The following SNTG1 variants were observed in gnomAD, a reference collection of about 807,000 sequenced individuals.
SNTG1 encodes the protein syntrophin gamma 1, also known as gamma-1-syntrophin.
SNTG1 carries 39 observed loss-of-function variants against 74.7 expected under a neutral mutation model. The ratio of observed to expected loss-of-function variants is 0.52; its 90% CI spans 0.40 to 0.68. SNTG1 has a LOEUF of 0.68. Ranked by LOEUF, SNTG1 falls within the 30% of genes least tolerant of loss-of-function variation. The pLI is 0.00. For synonymous variants in SNTG1, 254 were observed against 217.1 expected, an observed-to-expected ratio of 1.17 and a Z score of -1.49; for missense variants, 685 against 609.5, an observed-to-expected ratio of 1.12 and a Z score of -1.30.
intron 4 of SNTG1, among the ~76,000 whole-genome samples, chr8:50,430,969 T>G (rs1251765803): frequency 6.6e-6 from 1 of 152,148 alleles, no homozygotes; most frequent in Admixed American, 6.5e-5. Context: ...CATGTGCAGT[T>G]CCTTTAGCCT....
chr8:50,060,824 T>C (rs1402203027), intron 1 of SNTG1, among the ~76,000 whole-genome samples: 1 of 152,140 alleles, frequency 6.6e-6, no homozygotes, highest in Non-Finnish European at 1.5e-5. Context: ...TCTGATCATA[T>C]TTTTCTTCTG....
intron 2 of SNTG1, among the ~76,000 whole-genome samples, chr8:50,262,763 A>C (rs111814672): frequency 3.9e-5 from 6 of 152,256 alleles, no homozygotes; most frequent in African/African-American, 1.2e-4. Flanking sequence ...GCTATCTAAA[A>C]AGAAAGAAAC....
At chr8:50,611,483 A>G (rs931572691) in intron 13 of SNTG1, among the ~76,000 whole-genome samples, 3 of 152,198 alleles carry the variant, frequency 2.0e-5, no homozygotes, top group African/African-American at 4.8e-5. Context: ...TCACTGCTGG[A>G]TTATAATCGA....
intron 1 of SNTG1, among the ~76,000 whole-genome samples, chr8:50,138,101 T>C (rs1333650656): frequency 6.6e-6 from 1 of 152,244 alleles, no homozygotes; most frequent in East Asian, 1.9e-4. Context: ...TTTTTACAGA[T>C]GCTGGTAATT....
chr8:50,558,637 T>G (rs560015233), intron 12 of SNTG1, among the ~76,000 whole-genome samples: 1 of 138,254 alleles, frequency 7.2e-6, no homozygotes, highest in East Asian at 2.0e-4. Context: ...GGCTGCAGTG[T>G]TTTTTTTTTC....
chr8:50,259,976 C>T (rs1286212507), intron 2 of SNTG1, among the ~76,000 whole-genome samples: 1 of 152,062 alleles, frequency 6.6e-6, no homozygotes, highest in Non-Finnish European at 1.5e-5. Flanking sequence ...AAGGGTTTCC[C>T]ACACTTTTAT....
chr8:50,219,995 T>C (rs1383045086), intron 2 of SNTG1, among the ~76,000 whole-genome samples: 1 of 152,038 alleles, frequency 6.6e-6, no homozygotes, highest in Admixed American at 6.6e-5. Flanking sequence ...CTAAACATAG[T>C]AACATAACTT....
intron 2 of SNTG1, among the ~76,000 whole-genome samples, chr8:50,253,477 G>A (rs2086734914): frequency 6.6e-6 from 1 of 151,910 alleles, no homozygotes; most frequent in African/African-American, 2.4e-5. Flanking sequence ...ATGAGCCATT[G>A]GGTATAAATC....
At chr8:50,061,985 C>T (rs563324756) in intron 1 of SNTG1, among the ~76,000 whole-genome samples, 2 of 151,954 alleles carry the variant, frequency 1.3e-5, no homozygotes, top group Non-Finnish European at 2.9e-5. Context: ...TCTTCCATAT[C>T]CTTGCTGATT....
At chr8:50,482,051 A>G (rs1056167541) in intron 8 of SNTG1, among the ~76,000 whole-genome samples, 1 of 152,150 alleles carries the variant, frequency 6.6e-6, no homozygotes, top group Non-Finnish European at 1.5e-5. Flanking sequence ...AGCTGTAGCC[A>G]TTTCCCAGTC....
At chr8:50,782,410 ATTCTTTTTT>A (rs2095662295) in intron 18 of SNTG1, among the ~76,000 whole-genome samples, 2 of 152,182 alleles carry the variant, frequency 1.3e-5, no homozygotes, top group African/African-American at 4.8e-5. Context: ...GTTTCTTTTT[ATTCTTTTTT>A]CTCTAAACTT....
chr8:50,466,334 C>T (rs2093608328), intron 8 of SNTG1, among the ~76,000 whole-genome samples: 1 of 151,950 alleles, frequency 6.6e-6, no homozygotes, highest in South Asian at 2.1e-4. Context: ...GCCATTGCTT[C>T]TTTGTTGACC....
At chr8:50,293,516 T>C (rs2089225051) in intron 2 of SNTG1, among the ~76,000 whole-genome samples, 1 of 151,924 alleles carries the variant, frequency 6.6e-6, no homozygotes, top group Admixed American at 6.6e-5. Flanking sequence ...TTCAAGAGAT[T>C]CTCATGCCTC....
chr8:50,287,723 A>G (rs2088862389), intron 2 of SNTG1, among the ~76,000 whole-genome samples: 1 of 152,316 alleles, frequency 6.6e-6, no homozygotes, highest in Admixed American at 6.5e-5. Context: ...ATTTTAATCC[A>G]TACTCCTGAG....
intron 1 of SNTG1, among the ~76,000 whole-genome samples, chr8:50,122,577 G>C (rs1487833360): frequency 7.0e-6 from 1 of 142,056 alleles, no homozygotes; most frequent in Non-Finnish European, 1.6e-5. Flanking sequence ...TTTAGAAAGA[G>C]CATTTGGGCT....
At chr8:50,014,574 T>C (rs1041907439) in intron 1 of SNTG1, among the ~76,000 whole-genome samples, 2 of 152,172 alleles carry the variant, frequency 1.3e-5, no homozygotes, top group African/African-American at 4.8e-5. Context: ...GACCTTACGG[T>C]CCTCCCTAAG....
intron 2 of SNTG1, among the ~76,000 whole-genome samples, chr8:50,330,752 A>G (rs11996262): frequency 0.065 from 9,921 of 152,298 alleles, 350 homozygotes; most frequent in African/African-American, 0.071. Flanking sequence ...GGAAGGGGGC[A>G]CAGTAAACTT....
At chr8:50,304,453 A>C (rs181824463) in intron 2 of SNTG1, among the ~76,000 whole-genome samples, 1 of 152,196 alleles carries the variant, frequency 6.6e-6, no homozygotes, top group Non-Finnish European at 1.5e-5. Flanking sequence ...TTTTGGATTA[A>C]CTATAATACT....
In SNTG1 at chr8:50,113,921, CAAATAAAT is replaced by C. The variant is rs3086086; in HGVS notation, c.-102-58614_-102-58607del. On this transcript the variant is annotated intron_variant, in intron 1 of 18. Transcript: ENST00000642720. ...GAACTTAAAGTATAATAAAAATATA[CAAATAAAT>C]AAATAAATAAATAAATAAATAAATA... Among the ~76,000 whole-genome samples, 496 of 149,438 alleles carry C rather than the reference CAAATAAAT, an allele frequency of 3.3e-3. 1 individual carries two copies. The highest frequency in any genetic ancestry group is 8.9e-3 in the African/African-American group (362 of 40,576).
Sources: gnomAD v4.1 joint callset for allele counts (sites outside exome capture counted in the v4.1 genomes callset) on GRCh38, gnomAD v4.1.1 for gene constraint, MANE v1.5 for transcripts, NCBI Gene and HGNC (gene_info 2026-07-23, HGNC 2026-07-21) for gene names.